TTC23L: variants seen among roughly 807,000 people sequenced by gnomAD.
TTC23L encodes the protein tetratricopeptide repeat protein 23-like.
A neutral mutation model predicts 48.1 loss-of-function variants in TTC23L; 42 were observed. That is an observed-to-expected ratio of 0.87 (90% CI 0.68 to 1.13). The LOEUF is 1.13. Among genes scored for constraint, TTC23L ranks in the 50% most tolerant of loss-of-function variants. The pLI is 0.00. For synonymous variants in TTC23L, 159 were observed against 157.2 expected, an observed-to-expected ratio of 1.01 and a Z score of -0.09; for missense variants, 391 against 421.0, an observed-to-expected ratio of 0.93 and a Z score of 0.62.
At position 34,894,873 on chromosome 5, in the gene TTC23L, T is replaced by A. The variant is rs141020566; in HGVS notation, c.1078-1897T>A. On this transcript the variant is annotated intron_variant, in intron 9 of 10. Transcript: ENST00000505624. ...CATAGTATGTGCTAATTAGAGATGA[T>A]GAGAGTGTTAATGATGATGATGATG... Among the ~76,000 whole-genome samples the A allele has an allele frequency of 2.4e-3, 364 of 149,300 alleles. 2 individuals are homozygous for A. Among genetic ancestry groups the A allele is most frequent in the African/African-American group, 8.6e-3 (341 of 39,726 alleles).
the TTC23L span, chr5:34,915,977 C>T: frequency 5.7e-5 from 82 of 1,430,156 alleles, 1 homozygote; most frequent in Non-Finnish European, 4.8e-5. Flanking sequence ...TGACTACAGC[C>T]TTGCTTAATT....
At chr5:34,848,811 G>T (rs539548608) in intron 3 of TTC23L, among the ~76,000 whole-genome samples, 140 of 152,280 alleles carry the variant, frequency 9.2e-4, no homozygotes, top group African/African-American at 3.3e-3. Flanking sequence ...GAGGTGATTG[G>T]CATTGGGTCA....
chr5:34,867,049 G>C (rs762567291), exon 7 of TTC23L: 2 of 1,611,216 alleles, frequency 1.2e-6, no homozygotes, highest in South Asian at 2.2e-5. Context: ...CCACAACCAG[G>C]CCATCCAGTA....
chr5:34,847,933 T>C (rs1317266895), intron 3 of TTC23L, among the ~76,000 whole-genome samples: 1 of 152,214 alleles, frequency 6.6e-6, no homozygotes, highest in Non-Finnish European at 1.5e-5. Flanking sequence ...AACATTACTC[T>C]TTAAATGGGT....
At chr5:34,910,676 C>T in the TTC23L span, among the ~76,000 whole-genome samples, 1 of 152,200 alleles carries the variant, frequency 6.6e-6, no homozygotes, top group Admixed American at 6.5e-5. Context: ...GATCTGCCCA[C>T]TTCGGCCTCC....
intron 7 of TTC23L, 105 bp downstream of exon 7, chr5:34,867,174 T>G: frequency 8.3e-7 from 1 of 1,205,480 alleles, no homozygotes; most frequent in Non-Finnish European, 1.2e-6. Context: ...AGGGCTGGAA[T>G]TGATTCTGTT....
chr5:34,906,235 GT>G, the TTC23L span: 1 of 152,076 alleles, frequency 6.6e-6, no homozygotes. Context: ...GGGATTACAG[GT>G]GTGAGCCACC....
downstream of TTC23L, chr5:34,902,373 G>A: frequency 2.7e-6 from 1 of 370,896 alleles, no homozygotes. Context: ...CCAAGATTGT[G>A]CCATTGCAGT....
At chr5:34,903,196 GTC>G (rs769212222), downstream of TTC23L, among the ~76,000 whole-genome samples, 135 of 152,192 alleles carry the variant, frequency 8.9e-4, no homozygotes, top group South Asian at 1.7e-3. Context: ...GGTTGCCATT[GTC>G]TGAGGTTTTG....
Position 34,846,677 on chromosome 5 carries a change from G to A in TTC23L, c.255+1004G>A, listed in dbSNP as rs944863317. The stretch of plus-strand genomic sequence containing the variant: ...TACATATATGTGTGTATGTGTGTGT[G>A]TGTGTGTGTGTGTGTGTGTGTGTGT... On this transcript the variant is annotated intron_variant, in intron 3 of 10. Transcript: ENST00000505624. Among the ~76,000 whole-genome samples the A allele has an allele frequency of 2.5e-5, 2 of 78,650 alleles. 1 individual carries two copies. The highest frequency in any genetic ancestry group is 6.1e-5 in the African/African-American group (2 of 32,578). 51.6% of individuals were successfully genotyped at this position (78,650 alleles called of 152,430 possible). A position where few individuals can be genotyped will look rare whatever the true frequency, so the allele number is the denominator to read the frequency against.
intron 4 of TTC23L, among the ~76,000 whole-genome samples, chr5:34,856,155 A>G (rs1012813461): frequency 3.3e-5 from 5 of 152,186 alleles, no homozygotes; most frequent in Non-Finnish European, 5.9e-5. Context: ...TGGGAGAGGA[A>G]TGCTGAGTCC....
the TTC23L span, chr5:34,907,480 T>C: frequency 3.9e-5 from 6 of 152,342 alleles, 1 homozygote; most frequent in African/African-American, 1.4e-4. Context: ...AGCTTCACTT[T>C]ACTCATGTAA....
intron 1 of TTC23L, chr5:34,839,724 G>A: frequency 1.1e-6 from 1 of 899,910 alleles, no homozygotes; most frequent in Non-Finnish European, 1.3e-6. Flanking sequence ...CGACTTGGTG[G>A]ATGTTAACAT....
At chr5:34,850,683 C>T (rs780405603) in intron 4 of TTC23L, among the ~76,000 whole-genome samples, 165 of 152,238 alleles carry the variant, frequency 1.1e-3, no homozygotes, top group Admixed American at 2.2e-3. Context: ...GGGATGTACA[C>T]TCAGCATCAG....
At chr5:34,882,070 A>C (rs1017110920) in intron 9 of TTC23L, among the ~76,000 whole-genome samples, 1 of 152,174 alleles carries the variant, frequency 6.6e-6, no homozygotes, top group African/African-American at 2.4e-5. Context: ...GAAGATTAAC[A>C]TGAGATCCCA....
intron 9 of TTC23L, among the ~76,000 whole-genome samples, chr5:34,881,884 C>T (rs1462121007): frequency 2.0e-5 from 3 of 151,880 alleles, no homozygotes; most frequent in Non-Finnish European, 4.4e-5. Flanking sequence ...GTGCCTCAGC[C>T]TCCCGGAACA....
At chr5:34,868,752 T>G in intron 7 of TTC23L, 153 bp from the exon 8 acceptor site, 1 of 647,880 alleles carries the variant, frequency 1.5e-6, no homozygotes. Context: ...TCAGTGGGAA[T>G]TATATATTCC....
chr5:34,853,027 C>T (rs1434566727), intron 4 of TTC23L, among the ~76,000 whole-genome samples: 5 of 152,126 alleles, frequency 3.3e-5, no homozygotes, highest in Non-Finnish European at 4.4e-5. Flanking sequence ...CCACTGGGAC[C>T]CTCCCATGAC....
chr5:34,922,491 T>G, the TTC23L span: 3 of 1,207,922 alleles, frequency 2.5e-6, no homozygotes, highest in South Asian at 3.7e-5. Flanking sequence ...TGGTAAGCAT[T>G]GACTACATTT....
Sources: allele counts gnomAD v4.1 joint callset (sites outside exome capture counted in the v4.1 genomes callset), GRCh38; gene constraint gnomAD v4.1.1; transcripts MANE v1.5; gene names NCBI Gene and HGNC (gene_info 2026-07-23, HGNC 2026-07-21).